The following CNIH3 variants were observed in gnomAD, a reference collection of about 807,000 sequenced individuals.
CNIH3 encodes cornichon family AMPA receptor auxiliary protein 3, also known as protein cornichon homolog 3.
Under a neutral mutation model 24.1 loss-of-function variants are expected in CNIH3, and 14 were observed. The ratio of observed to expected loss-of-function variants is 0.58; its 90% CI spans 0.38 to 0.91. The LOEUF (loss-of-function observed/expected upper bound fraction) is 0.91, where lower values mean the gene tolerates loss of function less well. CNIH3 is among the 40% of genes least tolerant of loss of function. The pLI is 0.00. For missense variants in CNIH3, 178 were observed against 196.8 expected (o/e 0.90, Z 0.57); for synonymous variants, 68 against 73.8 (o/e 0.92, Z 0.40).
At chr1:224,648,959 C>T (rs1022772013) in intron 1 of CNIH3, among the ~76,000 whole-genome samples, 1 of 152,138 alleles carries the variant, frequency 6.6e-6, no homozygotes, top group African/African-American at 2.4e-5. Flanking sequence ...AATCTACCAC[C>T]CTTTGTTCCC....
intron 1 of CNIH3, among the ~76,000 whole-genome samples, chr1:224,494,093 G>T (rs758989212): frequency 6.6e-6 from 1 of 152,164 alleles, no homozygotes; most frequent in Non-Finnish European, 1.5e-5. Flanking sequence ...CACCAGGGTC[G>T]ATTTTTAAAT....
intron 4 of CNIH3, among the ~76,000 whole-genome samples, chr1:224,571,837 G>A (rs763022113): frequency 5.3e-5 from 8 of 152,062 alleles, no homozygotes; most frequent in Non-Finnish European, 4.4e-5. Flanking sequence ...GTGAGGGAGG[G>A]ACCTGAGGGC....
chr1:224,663,653 G>A (rs1410160216), intron 1 of CNIH3, among the ~76,000 whole-genome samples: 1 of 152,184 alleles, frequency 6.6e-6, no homozygotes, highest in African/African-American at 2.4e-5. Context: ...GGTTACACTT[G>A]TTCAACCTGC....
intron 3 of CNIH3, among the ~76,000 whole-genome samples, chr1:224,694,457 G>A (rs529627320): frequency 4.6e-5 from 7 of 152,246 alleles, no homozygotes; most frequent in East Asian, 3.9e-4. Flanking sequence ...ATACGACTCC[G>A]CAAGGTAGAT....
intron 1 of CNIH3, among the ~76,000 whole-genome samples, chr1:224,469,655 G>A (rs1676289067): frequency 6.6e-6 from 1 of 152,120 alleles, no homozygotes; most frequent in African/African-American, 2.4e-5. Context: ...CCACAGGCAT[G>A]TGCCATCATT....
chr1:224,685,829 G>A (rs1686628410), intron 3 of CNIH3, among the ~76,000 whole-genome samples: 1 of 152,084 alleles, frequency 6.6e-6, no homozygotes, highest in Admixed American at 6.5e-5. Flanking sequence ...CAGTGTGTTA[G>A]AATCCCATAT....
chr1:224,649,473 A>G (rs540306339), intron 1 of CNIH3, among the ~76,000 whole-genome samples: 32 of 152,324 alleles, frequency 2.1e-4, no homozygotes, highest in African/African-American at 6.7e-4. Flanking sequence ...AATTTGTGGT[A>G]ATTTATTATA....
chr1:224,716,431 GTATATAA>G (rs1223458183), intron 3 of CNIH3, among the ~76,000 whole-genome samples: 1 of 152,150 alleles, frequency 6.6e-6, no homozygotes, highest in Non-Finnish European at 1.5e-5. Context: ...ATAGGACCCA[GTATATAA>G]TAAATGCTGA....
chr1:224,501,914 G>A (rs1677690475), intron 1 of CNIH3, among the ~76,000 whole-genome samples: 1 of 152,142 alleles, frequency 6.6e-6, no homozygotes, highest in South Asian at 2.1e-4. Flanking sequence ...TTTCCTGGAA[G>A]AGGGGTCCCT....
At chr1:224,551,873 A>T (rs554418499) in intron 3 of CNIH3, among the ~76,000 whole-genome samples, 81 of 151,374 alleles carry the variant, frequency 5.4e-4, no homozygotes, top group Admixed American at 1.2e-3. Context: ...CCACAGTTGT[A>T]TTATTTGTAA....
downstream of CNIH3, among the ~76,000 whole-genome samples, chr1:224,541,208 GA>G (rs1679498380): frequency 6.6e-6 from 1 of 152,196 alleles, no homozygotes; most frequent in African/African-American, 2.4e-5. Flanking sequence ...ATTAAGGGCT[GA>G]AAATATAGAT....
At chr1:224,702,469 T>C (rs566261798) in intron 3 of CNIH3, among the ~76,000 whole-genome samples, 39 of 152,206 alleles carry the variant, frequency 2.6e-4, no homozygotes, top group African/African-American at 9.2e-4. Flanking sequence ...TATAAGAGAG[T>C]GTCTGTTTCC....
At chr1:224,693,757 C>G (rs937413489) in intron 3 of CNIH3, among the ~76,000 whole-genome samples, 1 of 152,194 alleles carries the variant, frequency 6.6e-6, no homozygotes, top group Non-Finnish European at 1.5e-5. Context: ...ATGCTAGGAT[C>G]GTATCAGGAA....
downstream of CNIH3, among the ~76,000 whole-genome samples, chr1:224,540,801 T>C (rs144456597): frequency 4.1e-3 from 627 of 152,304 alleles, 1 homozygote; most frequent in African/African-American, 0.014. Context: ...TTCTCCATTA[T>C]TGGACTTAAA....
chr1:224,608,467 G>A (rs1208626461), intron 3 of CNIH3, among the ~76,000 whole-genome samples: 5 of 152,266 alleles, frequency 3.3e-5, no homozygotes, highest in Admixed American at 1.3e-4. Context: ...TGAGAGGGTC[G>A]TAATCGATTG....
chr1:224,516,915 A>T (rs1392806420), intron 1 of CNIH3, among the ~76,000 whole-genome samples: 1 of 152,048 alleles, frequency 6.6e-6, no homozygotes, highest in Non-Finnish European at 1.5e-5. Flanking sequence ...AGCTATAGGT[A>T]TAAAGCCAGA....
At chr1:224,502,138 C>T (rs1023037058) in intron 1 of CNIH3, among the ~76,000 whole-genome samples, 2 of 152,068 alleles carry the variant, frequency 1.3e-5, no homozygotes, top group African/African-American at 2.4e-5. Context: ...GCTGCAGATA[C>T]GGCTCCCGGA....
chr1:224,465,884 C>T (rs1222308819), intron 1 of CNIH3, among the ~76,000 whole-genome samples: 4 of 152,044 alleles, frequency 2.6e-5, no homozygotes, highest in Non-Finnish European at 5.9e-5. Context: ...AAAAATGAGC[C>T]GGGCATGGTG....
chr1:224,627,675 G>A (rs986029072), intron 1 of CNIH3, among the ~76,000 whole-genome samples: 2 of 152,188 alleles, frequency 1.3e-5, no homozygotes, highest in African/African-American at 4.8e-5. Context: ...ACTGAGGCCC[G>A]CTCCTGCAGT....
Sources: gnomAD v4.1 joint callset for allele counts (sites outside exome capture counted in the v4.1 genomes callset) on GRCh38, gnomAD v4.1.1 for gene constraint, MANE v1.5 for transcripts, NCBI Gene and HGNC (gene_info 2026-07-23, HGNC 2026-07-21) for gene names.